The following LUZP2 variants were observed in gnomAD, a reference collection of about 807,000 sequenced individuals.
The protein encoded by LUZP2 is leucine zipper protein 2.
In LUZP2, 52 loss-of-function variants were observed where a neutral mutation model predicts 51.6. That is an observed-to-expected ratio of 1.01 (90% CI 0.81 to 1.27). The LOEUF is 1.27. Among genes scored for constraint, LUZP2 ranks in the 50% most tolerant of loss-of-function variants. LUZP2 has a pLI of 0.00. For synonymous variants in LUZP2, 154 were observed against 137.3 expected, an observed-to-expected ratio of 1.12 and a Z score of -0.85; for missense variants, 436 against 395.4, an observed-to-expected ratio of 1.10 and a Z score of -0.87.
At chr11:24,605,452 CT>C (rs1853884199) in intron 1 of LUZP2, among the ~76,000 whole-genome samples, 1 of 151,350 alleles carries the variant, frequency 6.6e-6, no homozygotes, top group Admixed American at 6.6e-5. Context: ...AATTTGTTTC[CT>C]TTTTAAAAAA....
chr11:24,896,360 T>A (rs1451414742), intron 5 of LUZP2, among the ~76,000 whole-genome samples: 2 of 152,104 alleles, frequency 1.3e-5, no homozygotes, highest in African/African-American at 4.8e-5. Flanking sequence ...GGGCGGGGCC[T>A]CAGCGGTCCC....
rs1054575369 is a variant in LUZP2 at position 24,566,726 on chromosome 11, T to C, written c.62+69421T>C. 3.4e-5 allele frequency among the ~76,000 whole-genome samples: 5 copies of C among 146,616 alleles called. No homozygotes were observed. The East Asian group carries it at 9.8e-4, about 29-fold the overall frequency. Reference sequence around the variant, plus strand: ...ATGTGTGTGTGTATATATATGTATATATACATATTTATATATAATGTATGT... The same window carrying C: ...ATGTGTGTGTGTATATATATGTATACATACATATTTATATATAATGTATGT... On this transcript the variant is annotated intron_variant, in intron 1 of 11. Transcript: ENST00000336930.
chr11:24,554,261 T>C (rs1029815520), intron 1 of LUZP2, among the ~76,000 whole-genome samples: 4 of 152,160 alleles, frequency 2.6e-5, no homozygotes, highest in Non-Finnish European at 5.9e-5. Context: ...ATGTATGATA[T>C]GATTTTAAAC....
chr11:24,942,426 G>T (rs1032541597), intron 7 of LUZP2, among the ~76,000 whole-genome samples: 4 of 152,104 alleles, frequency 2.6e-5, no homozygotes, highest in Non-Finnish European at 4.4e-5. Flanking sequence ...CGAGCGTATG[G>T]TTATAACCTA....
chr11:24,854,524 T>G (rs1851493600), intron 5 of LUZP2, among the ~76,000 whole-genome samples: 1 of 152,174 alleles, frequency 6.6e-6, no homozygotes, highest in Non-Finnish European at 1.5e-5. Flanking sequence ...GCAGTGAGAA[T>G]TTCAAGCCAG....
At chr11:24,557,694 T>C (rs969693172) in intron 1 of LUZP2, among the ~76,000 whole-genome samples, 1 of 152,306 alleles carries the variant, frequency 6.6e-6, no homozygotes, top group Admixed American at 6.5e-5. Flanking sequence ...ATCATGTCTA[T>C]GTCTAAGTTA....
At chr11:24,860,683 A>T (rs1304064229) in intron 5 of LUZP2, among the ~76,000 whole-genome samples, 1 of 152,108 alleles carries the variant, frequency 6.6e-6, no homozygotes, top group Non-Finnish European at 1.5e-5. Context: ...AACCCCCAGC[A>T]AATTGCAGCA....
At chr11:24,626,567 A>T (rs1854691329) in intron 1 of LUZP2, among the ~76,000 whole-genome samples, 1 of 152,172 alleles carries the variant, frequency 6.6e-6, no homozygotes, top group South Asian at 2.1e-4. Flanking sequence ...TAAGGATGAG[A>T]TGGGAGACCA....
chr11:25,030,177 T>C (rs1377458401), intron 9 of LUZP2, among the ~76,000 whole-genome samples: 1 of 152,220 alleles, frequency 6.6e-6, no homozygotes, highest in Non-Finnish European at 1.5e-5. Context: ...GTATTGATTA[T>C]TCTGAATTTT....
In LUZP2 at chr11:24,994,091, C is replaced by T. The variant is rs112512491; in HGVS notation, c.765+10798C>T. ...AATCAGTCTGGTCTCGAACTGCTGA[C>T]GTCATAATCTGCCTGCCTCAGCCTC... On this transcript the variant is annotated intron_variant, in intron 9 of 11. Coordinates refer to ENST00000336930, the MANE Select transcript of LUZP2 (RefSeq NM_001009909.4). Among the ~76,000 whole-genome samples the T allele has an allele frequency of 3.9e-3, 589 of 150,594 alleles. 5 individuals are homozygous for T. The highest frequency in any genetic ancestry group is 0.014 in the African/African-American group (555 of 41,038).
intron 1 of LUZP2, among the ~76,000 whole-genome samples, chr11:24,509,457 T>C (rs745714736): frequency 4.0e-5 from 6 of 149,324 alleles, no homozygotes; most frequent in Admixed American, 6.7e-5. Flanking sequence ...ATGGTATATA[T>C]TATATATGGT....
chr11:24,597,729 A>T (rs945498485), intron 1 of LUZP2, among the ~76,000 whole-genome samples: 1 of 152,154 alleles, frequency 6.6e-6, no homozygotes, highest in African/African-American at 2.4e-5. Context: ...TCTGTCTCCC[A>T]TTGGTCTTAT....
chr11:24,732,044 C>G lies in LUZP2; in HGVS notation c.181-74C>G, dbSNP rs530371879. The G allele has an allele frequency of 1.2e-4, 139 of 1,139,168 alleles. 1 individual carries two copies. In the South Asian group the frequency reaches 1.6e-3, roughly 13 times the overall value. The allele number at this position is 1,139,168 out of a possible 1,614,324, so 70.6% of individuals were successfully genotyped here. A position where few individuals can be genotyped will look rare whatever the true frequency, so the allele number is the denominator to read the frequency against. ...GGCATATGTGCAGTCCTATCTAGTA[C>G]TCTAGAACCAAAGTTAAAGTGAGTC... On this transcript the variant is annotated intron_variant, in intron 2 of 11. Transcript: ENST00000336930.
intron 1 of LUZP2, among the ~76,000 whole-genome samples, chr11:24,689,973 A>G (rs1857018574): frequency 6.6e-6 from 1 of 152,156 alleles, no homozygotes; most frequent in Non-Finnish European, 1.5e-5. Context: ...ATATCTAAGA[A>G]TGTCTGGAAA....
At chr11:24,787,656 A>G (rs1234875336) in intron 5 of LUZP2, among the ~76,000 whole-genome samples, 3 of 152,044 alleles carry the variant, frequency 2.0e-5, no homozygotes, top group Non-Finnish European at 4.4e-5. Context: ...ACTCACCTCT[A>G]TTTATTTTCT....
At chr11:24,702,760 G>A (rs1857455297) in intron 1 of LUZP2, among the ~76,000 whole-genome samples, 2 of 152,182 alleles carry the variant, frequency 1.3e-5, no homozygotes, top group Non-Finnish European at 1.5e-5. Flanking sequence ...CAGTGGCCAA[G>A]CAGTGTGGAT....
intron 5 of LUZP2, among the ~76,000 whole-genome samples, chr11:24,855,208 A>C (rs1212484285): frequency 6.6e-6 from 1 of 152,184 alleles, no homozygotes; most frequent in Non-Finnish European, 1.5e-5. Flanking sequence ...TTTGCTGTGA[A>C]ATTAGACCTA....
At chr11:24,628,966 A>C (rs925431078) in intron 1 of LUZP2, among the ~76,000 whole-genome samples, 7 of 152,144 alleles carry the variant, frequency 4.6e-5, no homozygotes, top group Admixed American at 1.3e-4. Context: ...AAAAGATTAG[A>C]TCTATATAAT....
intron 1 of LUZP2, among the ~76,000 whole-genome samples, chr11:24,562,496 A>G (rs1021299559): frequency 1.1e-4 from 17 of 151,930 alleles, no homozygotes; most frequent in Non-Finnish European, 2.5e-4. Context: ...AAACCCAGGT[A>G]TAAGAGAATT....
Sources: gnomAD v4.1 joint callset for allele counts (sites outside exome capture counted in the v4.1 genomes callset) on GRCh38, gnomAD v4.1.1 for gene constraint, MANE v1.5 for transcripts, NCBI Gene and HGNC (gene_info 2026-07-23, HGNC 2026-07-21) for gene names.